KCNT2: variants seen among roughly 807,000 people sequenced by gnomAD.
KCNT2 encodes the protein potassium channel subfamily T member 2.
KCNT2 carries 67 observed loss-of-function variants against 153.8 expected under a neutral mutation model. The ratio of observed to expected loss-of-function variants is 0.44; its 90% CI spans 0.36 to 0.53. The LOEUF (loss-of-function observed/expected upper bound fraction) is 0.53. KCNT2 is among the 20% of genes least tolerant of loss of function. KCNT2 has a pLI of 0.00. For synonymous variants in KCNT2, 500 were observed against 458.8 expected (o/e 1.09, Z -1.15); for missense variants, 975 against 1,354.8 (o/e 0.72, Z 4.40).
intron 21 of KCNT2, among the ~76,000 whole-genome samples, chr1:196,310,362 T>A (rs1662047967): frequency 6.6e-6 from 1 of 151,868 alleles, no homozygotes; most frequent in African/African-American, 2.4e-5. Context: ...ATGTATGTAA[T>A]CTTTCATAAA....
chr1:196,282,516 T>A (rs569199722), intron 23 of KCNT2, among the ~76,000 whole-genome samples, 160 bp from the exon 24 acceptor site: 3 of 152,354 alleles, frequency 2.0e-5, no homozygotes, highest in South Asian at 4.1e-4. Context: ...ATCTATCTTG[T>A]TAGTATCCTA....
intron 4 of KCNT2, 117 bp from the exon 5 acceptor site, chr1:196,479,355 A>C (rs1391246494): frequency 1.6e-6 from 1 of 607,872 alleles, no homozygotes; most frequent in Admixed American, 3.4e-5. Context: ...ATGGGTGTAT[A>C]ATAGGACTTA....
intron 25 of KCNT2, among the ~76,000 whole-genome samples, chr1:196,264,894 G>T (rs1657387154): frequency 6.6e-6 from 1 of 152,146 alleles, no homozygotes; most frequent in Non-Finnish European, 1.5e-5. Flanking sequence ...ACCTCTCAAA[G>T]TGCTGGGATT....
At chr1:196,427,154 AAAC>A (rs1052191902) in intron 10 of KCNT2, among the ~76,000 whole-genome samples, 57 of 152,186 alleles carry the variant, frequency 3.7e-4, no homozygotes, top group African/African-American at 1.1e-3. Context: ...ATAATTAAAA[AAAC>A]AAGTATGGAG....
intron 14 of KCNT2, among the ~76,000 whole-genome samples, chr1:196,361,914 A>AGTGTGTGT (rs34545133): frequency 1.3e-5 from 2 of 150,506 alleles, no homozygotes; most frequent in Non-Finnish European, 1.5e-5. Flanking sequence ...TGTGAGTGTG[A>AGTGTGTGT]GTGTGTGTGT....
Position 196,334,026 on chromosome 1 carries a change from A to G in KCNT2, c.1818T>C (p.Cys606=), listed in dbSNP as rs1342449565. The G allele has an allele frequency of 6.2e-7, 1 of 1,613,212 alleles. No homozygotes were observed. The highest frequency in any genetic ancestry group is 8.5e-7 in the Non-Finnish European group (1 of 1,179,644). The part of the protein sequence containing the change: ...TVAIDLQDTS[C]RSASGPTLSL... ...ACAGGGTAGGGCCACTTGCTGATCTACAGCTTGTATCTTGCAAGTCTATAG... is the reference window on the plus strand; with the variant it reads ...ACAGGGTAGGGCCACTTGCTGATCTGCAGCTTGTATCTTGCAAGTCTATAG... The change falls in exon 17 of 28, where the codon TGT becomes TGC. Residue 606 remains cysteine, a synonymous_variant. Transcript: ENST00000294725.
chr1:196,334,622 C>G (rs1254879320), intron 16 of KCNT2, among the ~76,000 whole-genome samples: 1 of 151,330 alleles, frequency 6.6e-6, no homozygotes, highest in African/African-American at 2.4e-5. Context: ...GATTTATGAC[C>G]ACTTTTTAAA....
rs111443192 is a variant in KCNT2, at chr1:196,287,412, T to G, written c.2596-1654A>C. Among the ~76,000 whole-genome samples the G allele has an allele frequency of 5.2e-3, 794 of 151,992 alleles. 9 individuals are homozygous for G. Among genetic ancestry groups the G allele is most frequent in the African/African-American group, 0.018 (747 of 41,418 alleles). On this transcript the variant is annotated intron_variant, in intron 22 of 27. Transcript: ENST00000294725. ...AGCCAGAATAAAGTGCTGGAACGCCTGAGAATTTGATGTTACATTTACTCT... is the reference window on the plus strand; with the variant it reads ...AGCCAGAATAAAGTGCTGGAACGCCGGAGAATTTGATGTTACATTTACTCT...
intron 8 of KCNT2, among the ~76,000 whole-genome samples, chr1:196,446,899 T>G (rs1158382282): frequency 1.3e-5 from 2 of 151,596 alleles, no homozygotes; most frequent in Non-Finnish European, 3.0e-5. Context: ...TTAATATCAC[T>G]CTTTTTACTA....
intron 10 of KCNT2, among the ~76,000 whole-genome samples, chr1:196,426,628 A>G (rs889492077): frequency 1.3e-5 from 2 of 151,962 alleles, no homozygotes; most frequent in Non-Finnish European, 2.9e-5. Context: ...TCTGGTAAAC[A>G]TTCACCATTT....
chr1:196,501,906 C>G (rs182634548), intron 1 of KCNT2, among the ~76,000 whole-genome samples: 1 of 152,188 alleles, frequency 6.6e-6, no homozygotes, highest in East Asian at 1.9e-4. Flanking sequence ...ATTGCCTGAG[C>G]TCAGGAGTTT....
chr1:196,608,176 A>C, intron 1 of KCNT2, 39 bp downstream of exon 1: 1 of 1,574,580 alleles, frequency 6.4e-7, no homozygotes, highest in Non-Finnish European at 8.7e-7. Flanking sequence ...TCTCTTTTTC[A>C]GCAATATTTA....
In KCNT2 at chr1:196,285,490, A is replaced by T. The variant is rs189827265; in HGVS notation, c.2697+167T>A. Among the ~76,000 whole-genome samples the T allele has an allele frequency of 2.2e-3, 330 of 152,294 alleles. 2 individuals are homozygous for T. Among genetic ancestry groups the T allele is most frequent in the Middle Eastern group, 0.01 (3 of 294 alleles). On this transcript the variant is annotated intron_variant, in intron 23 of 27. Transcript: ENST00000294725. ...TAGTATTTTTCTTACAAAATGTTTCATAGGAGCATTTATGTCATTAAGTAC... is the reference window on the plus strand; with the variant it reads ...TAGTATTTTTCTTACAAAATGTTTCTTAGGAGCATTTATGTCATTAAGTAC...
chr1:196,322,993 T>C (rs1000365047), intron 19 of KCNT2, among the ~76,000 whole-genome samples: 3 of 151,928 alleles, frequency 2.0e-5, no homozygotes, highest in African/African-American at 7.2e-5. Flanking sequence ...AATCAGATAT[T>C]GCACTAGGAT....
intron 13 of KCNT2, among the ~76,000 whole-genome samples, chr1:196,397,370 T>C (rs1053706747): frequency 1.3e-5 from 2 of 151,574 alleles, no homozygotes; most frequent in African/African-American, 4.8e-5. Context: ...ATGATATACG[T>C]AACAGGTTGT....
intron 1 of KCNT2, among the ~76,000 whole-genome samples, chr1:196,500,054 G>T (rs1002519120): frequency 6.6e-6 from 1 of 151,814 alleles, no homozygotes; most frequent in African/African-American, 2.4e-5. Flanking sequence ...AGAGGCAGAA[G>T]AATCACTTGA....
chr1:196,323,276 T>C (rs1466368478), intron 19 of KCNT2, among the ~76,000 whole-genome samples: 1 of 151,968 alleles, frequency 6.6e-6, no homozygotes, highest in South Asian at 2.1e-4. Context: ...GAATGGATAG[T>C]GTGAAGAAGA....
At chr1:196,393,818 T>A (rs1316717766) in intron 13 of KCNT2, among the ~76,000 whole-genome samples, 1 of 151,502 alleles carries the variant, frequency 6.6e-6, no homozygotes, top group Non-Finnish European at 1.5e-5. Context: ...TGATTGTAGA[T>A]CCGATATTTG....
At chr1:196,588,592 C>A (rs145286921) in intron 1 of KCNT2, among the ~76,000 whole-genome samples, 296 of 152,040 alleles carry the variant, frequency 1.9e-3, no homozygotes, top group Admixed American at 6.1e-3. Context: ...GTGTAAATGT[C>A]CTTGTTTGCC....
Sources: allele counts gnomAD v4.1 joint callset (sites outside exome capture counted in the v4.1 genomes callset), GRCh38; gene constraint gnomAD v4.1.1; transcripts MANE v1.5; gene names NCBI Gene and HGNC (gene_info 2026-07-23, HGNC 2026-07-21).